CDC42BPA: variants seen among roughly 807,000 people sequenced by gnomAD.
CDC42BPA encodes the protein serine/threonine-protein kinase MRCK alpha.
In CDC42BPA, 80 loss-of-function variants were observed where a neutral mutation model predicts 223.5. The observed-to-expected ratio is 0.36, with a 90% CI of 0.30 to 0.43. The LOEUF (loss-of-function observed/expected upper bound fraction) is 0.43, where lower values mean the gene tolerates loss of function less well. Among genes scored for constraint, CDC42BPA ranks in the 20% least tolerant of loss-of-function variants. CDC42BPA has a pLI of 1.00. For synonymous variants in CDC42BPA, 694 were observed against 718.6 expected (o/e 0.97, Z 0.55); for missense variants, 1,743 against 2,099.9 (o/e 0.83, Z 3.32).
intron 34 of CDC42BPA, among the ~76,000 whole-genome samples, chr1:227,010,259 C>T (rs1178880090): frequency 6.6e-6 from 1 of 152,144 alleles, no homozygotes; most frequent in African/African-American, 2.4e-5. Context: ...TCTTTCTTTG[C>T]TTTAGTTTTC....
intron 34 of CDC42BPA, among the ~76,000 whole-genome samples, chr1:227,009,198 CA>C (rs978739595): frequency 6.6e-6 from 1 of 151,534 alleles, no homozygotes; most frequent in Non-Finnish European, 1.5e-5. Flanking sequence ...AAAGGAATGA[CA>C]AAAAAAAGTT....
At chr1:227,159,608 T>C (rs1663477120) in intron 6 of CDC42BPA, among the ~76,000 whole-genome samples, 1 of 151,468 alleles carries the variant, frequency 6.6e-6, no homozygotes, top group Non-Finnish European at 1.5e-5. Context: ...TAAACTGATA[T>C]ATTTTTGGAC....
chr1:227,104,169 G>T (rs1426680803), intron 14 of CDC42BPA, among the ~76,000 whole-genome samples: 1 of 151,966 alleles, frequency 6.6e-6, no homozygotes, highest in Non-Finnish European at 1.5e-5. Context: ...AATAAACCAA[G>T]AAATAAAGAG....
intron 9 of CDC42BPA, among the ~76,000 whole-genome samples, chr1:227,141,752 T>C (rs574737811): frequency 4.1e-4 from 63 of 152,336 alleles, no homozygotes; most frequent in Admixed American, 4.6e-4. Flanking sequence ...TGTAGTTATC[T>C]ATGACTGTGC....
chr1:227,249,812 G>A (rs2718206), intron 2 of CDC42BPA, among the ~76,000 whole-genome samples: 14,826 of 152,068 alleles, frequency 0.097, 1,139 homozygotes, highest in East Asian at 0.36. Flanking sequence ...ATGCTGGTGA[G>A]GATGTGGAGA....
At position 227,073,903 on chromosome 1, in the gene CDC42BPA, T is replaced by C; in HGVS notation, c.2696A>G (p.Glu899Gly). The C allele has an allele frequency of 6.2e-7, 1 of 1,608,654 alleles. No homozygotes were observed. The highest frequency in any genetic ancestry group is 8.5e-7 in the Non-Finnish European group (1 of 1,178,440). Reference sequence around the variant, plus strand: ...ATTAGATGCTTTAACTTTATTCAACTCTTCTTGGATGGCCTGTTTGGCTCT... The same window carrying C: ...ATTAGATGCTTTAACTTTATTCAACCCTTCTTGGATGGCCTGTTTGGCTCT... ...EIRAKQAIQE[E>G]LNKVKASNII... The change falls in exon 19 of 37, where the codon GAG becomes GGG. Residue 899 changes from glutamate to glycine, a missense_variant. Glu to Gly is a moderately conservative substitution (Grantham distance 98). This residue lies in a region of CDC42BPA where 678 missense variants were observed against 777.5 expected (regional missense o/e 0.87). Transcript: ENST00000366766.
At chr1:227,217,212 C>T (rs1251442495) in intron 2 of CDC42BPA, among the ~76,000 whole-genome samples, 1 of 151,950 alleles carries the variant, frequency 6.6e-6, no homozygotes, top group Non-Finnish European at 1.5e-5. Flanking sequence ...TTTGGGAAGC[C>T]GAGGTGGGTG....
intron 35 of CDC42BPA, 42 bp downstream of exon 35, chr1:227,004,952 C>G: frequency 7.5e-7 from 1 of 1,333,076 alleles, no homozygotes; most frequent in Non-Finnish European, 1.1e-6. Flanking sequence ...AGCTGGGGGT[C>G]ACCCTGTCTC....
At chr1:227,021,442 TA>T (rs1197180915) in intron 32 of CDC42BPA, among the ~76,000 whole-genome samples, 1 of 152,140 alleles carries the variant, frequency 6.6e-6, no homozygotes, top group East Asian at 1.9e-4. Context: ...AAAACCTGAA[TA>T]TACTTTCTTA....
intron 16 of CDC42BPA, among the ~76,000 whole-genome samples, chr1:227,083,682 A>G (rs566420610): frequency 1.6e-4 from 25 of 152,180 alleles, no homozygotes; most frequent in Non-Finnish European, 2.9e-4. Flanking sequence ...ACTCTGGATA[A>G]TATCTTCCTC....
At chr1:227,065,241 G>A (rs1235151141) in intron 21 of CDC42BPA, among the ~76,000 whole-genome samples, 1 of 152,188 alleles carries the variant, frequency 6.6e-6, no homozygotes, top group African/African-American at 2.4e-5. Flanking sequence ...AAAAATGGGA[G>A]AGTAACCTAT....
At chr1:227,054,007 A>G (rs1447298972) in intron 21 of CDC42BPA, among the ~76,000 whole-genome samples, 2 of 152,226 alleles carry the variant, frequency 1.3e-5, no homozygotes, top group African/African-American at 2.4e-5. Flanking sequence ...TACATTTTAT[A>G]CCAGTAAGAA....
intron 21 of CDC42BPA, chr1:227,059,256 G>A (rs1484731148): frequency 3.7e-6 from 3 of 800,444 alleles, no homozygotes; most frequent in Non-Finnish European, 6.2e-6. Flanking sequence ...CACAAAGCAT[G>A]CAATAGATGT....
intron 1 of CDC42BPA, among the ~76,000 whole-genome samples, chr1:227,294,144 C>G (rs1257568343): frequency 6.6e-6 from 1 of 151,464 alleles, no homozygotes; most frequent in Admixed American, 6.6e-5. Context: ...TGGTGGCAGG[C>G]ACCTGTAGTC....
intron 3 of CDC42BPA, among the ~76,000 whole-genome samples, chr1:227,203,332 G>A (rs752579542): frequency 5.3e-5 from 8 of 152,074 alleles, no homozygotes; most frequent in Non-Finnish European, 1.0e-4. Flanking sequence ...CATTTAGTGG[G>A]TAGAGGCCAG....
chr1:227,155,820 G>A lies in CDC42BPA; in HGVS notation c.693+4723C>T, dbSNP rs1662648932. ...TAAAATACCAAACAGGATTTAACGA[G>A]GTATTGTGTGATAATTACATTGGGA... On this transcript the variant is annotated intron_variant, in intron 6 of 36. Transcript: ENST00000366766. Among the ~76,000 whole-genome samples, 3 of 152,154 alleles carry A rather than the reference G, an allele frequency of 2.0e-5. No individual in the cohort carries two copies. The South Asian group carries it at 6.2e-4, about 32-fold the overall frequency.
intron 1 of CDC42BPA, among the ~76,000 whole-genome samples, chr1:227,298,275 T>TA (rs1433622477): frequency 6.6e-6 from 1 of 151,666 alleles, no homozygotes; most frequent in Non-Finnish European, 1.5e-5. Flanking sequence ...CACAAACACA[T>TA]AAAAAATAAC....
In CDC42BPA at chr1:227,072,313, A is replaced by G. The variant is rs1369101856; in HGVS notation, c.2736-14T>C. The G allele has an allele frequency of 1.4e-6, 2 of 1,439,090 alleles. No individual in the cohort carries two copies. 89.1% of individuals were successfully genotyped at this position (1,439,090 alleles called of 1,614,324 possible). On this transcript the variant is annotated splice_polypyrimidine_tract_variant and intron_variant, in intron 19 of 36. Transcript: ENST00000366766. ...TCTTTTAGTTTACTTAAATAAGGAGAAAAAAGGAAAAATGTCATTAATTTT... is the reference window on the plus strand; with the variant it reads ...TCTTTTAGTTTACTTAAATAAGGAGGAAAAAGGAAAAATGTCATTAATTTT...
At chr1:227,111,099 A>C (rs1686829338) in intron 14 of CDC42BPA, among the ~76,000 whole-genome samples, 1 of 152,238 alleles carries the variant, frequency 6.6e-6, no homozygotes, top group Non-Finnish European at 1.5e-5. Context: ...GCTAAGCTAC[A>C]GGTATTAACA....
Sources: allele counts gnomAD v4.1 joint callset (sites outside exome capture counted in the v4.1 genomes callset), GRCh38; gene constraint gnomAD v4.1.1; regional missense constraint gnomAD v4.1.1; transcripts MANE v1.5; gene names NCBI Gene and HGNC (gene_info 2026-07-23, HGNC 2026-07-21).